The following RARS2 variants were observed in gnomAD, a reference collection of about 807,000 sequenced individuals.
RARS2 encodes probable arginine--tRNA ligase, mitochondrial.
RARS2 carries 67 observed loss-of-function variants against 88.5 expected under a neutral mutation model. The ratio of observed to expected loss-of-function variants is 0.76; its 90% confidence interval spans 0.62 to 0.93. RARS2 has a LOEUF of 0.93. Ranked by LOEUF, RARS2 falls within the 40% of genes least tolerant of loss-of-function variation. The probability of loss-of-function intolerance (pLI) is 0.00; values close to 1 mark genes in which losing one functional copy is unlikely to be tolerated. For synonymous variants in RARS2, 239 were observed against 230.3 expected, an observed-to-expected ratio of 1.04 and a Z score of -0.34; for missense variants, 664 against 684.2, an observed-to-expected ratio of 0.97 and a Z score of 0.33.
chr6:87,524,776 A>T, intron 10 of RARS2, 124 bp from the exon 11 acceptor site: 1 of 711,036 alleles, frequency 1.4e-6, no homozygotes, highest in Non-Finnish European at 2.5e-6. Flanking sequence ...AGCAGTGCCA[A>T]TTCAAGCTTT....
At chr6:87,566,020 T>C (rs1386581984) in intron 2 of RARS2, among the ~76,000 whole-genome samples, 1 of 152,214 alleles carries the variant, frequency 6.6e-6, no homozygotes, top group East Asian at 1.9e-4. Flanking sequence ...GCCTACTATG[T>C]ATTACACTTT....
At position 87,518,278 on chromosome 6, in the gene RARS2, T is replaced by TA; in HGVS notation, c.1416-15dup. ...GTCTCTTCCAAACTTATCAAAAGTT[T>TA]AAAGTTAAAAACATCAAAAGATTAA... is the stretch of plus-strand genomic sequence containing the variant. On this transcript the variant is annotated splice_polypyrimidine_tract_variant and intron_variant, in intron 16 of 19. Transcript: ENST00000369536. 6.2e-7 allele frequency: 1 copy of TA among 1,614,062 alleles called. No individual in the cohort carries two copies. Among genetic ancestry groups the TA allele is most frequent in the Non-Finnish European group, 8.5e-7 (1 of 1,179,996 alleles).
intron 1 of RARS2, among the ~76,000 whole-genome samples, chr6:87,583,401 C>T (rs75440870): frequency 7.9e-4 from 120 of 152,182 alleles, no homozygotes; most frequent in East Asian, 4.4e-3. Context: ...ACCAGACTGA[C>T]CAAAATGGAG....
chr6:87,582,764 C>A (rs944805599), intron 1 of RARS2, among the ~76,000 whole-genome samples: 3 of 152,170 alleles, frequency 2.0e-5, no homozygotes, highest in African/African-American at 7.2e-5. Flanking sequence ...AACAATTAGA[C>A]AACTAGTTTA....
rs1386600545 is a variant in RARS2 at position 87,514,492 on chromosome 6, A to C, written c.1658T>G (p.Leu553Arg). ...DSPPEVAGARLHLFKAVRSVL... is the reference protein window; with the variant it reads ...DSPPEVAGARRHLFKAVRSVL... ...AGAACGGACAGCTTTGAAAAGATGA[A>C]GTCTGGCCTACAAAATAAATCAAAG... is the stretch of plus-strand genomic sequence containing the variant. Residue 553 changes from leucine (L) to arginine (R), a missense_variant, in exon 20 of 20, where the codon CTT becomes CGT. Coordinates refer to ENST00000369536, the MANE Select transcript of RARS2 (RefSeq NM_020320.5). The C allele has an allele frequency of 6.2e-7, 1 of 1,609,964 alleles. No homozygotes were observed.
At chr6:87,523,651 T>C (rs1032226375) in intron 11 of RARS2, among the ~76,000 whole-genome samples, 2 of 152,222 alleles carry the variant, frequency 1.3e-5, no homozygotes, top group Non-Finnish European at 1.5e-5. Context: ...GGATGTTTCT[T>C]TTTCCAAAGA....
intron 8 of RARS2, among the ~76,000 whole-genome samples, chr6:87,534,851 C>T (rs1315086708): frequency 6.6e-6 from 1 of 152,196 alleles, no homozygotes; most frequent in East Asian, 1.9e-4. Context: ...GCGATCTTGT[C>T]TCTAGACCTG....
Position 87,519,837 on chromosome 6 carries a change from T to C in RARS2, c.1113-130A>G, listed in dbSNP as rs992753323. 4.6e-6 allele frequency: 5 copies of C among 1,084,106 alleles called. No individual in the cohort carries two copies. The African/African-American group carries it at 4.7e-5, about 10-fold the overall frequency. 67.2% of individuals were successfully genotyped at this position (1,084,106 alleles called of 1,614,324 possible). On this transcript the variant is annotated intron_variant, in intron 13 of 19. Coordinates refer to ENST00000369536, the MANE Select transcript of RARS2 (RefSeq NM_020320.5). ...GTTTTTAAAAATTAATAAAATGAAA[T>C]TGATGTGATTTGTATGCTACAAAGG... is the stretch of plus-strand genomic sequence containing the variant.
chr6:87,544,559 A>C (rs1158244046), intron 7 of RARS2, among the ~76,000 whole-genome samples: 1 of 152,260 alleles, frequency 6.6e-6, no homozygotes, highest in Non-Finnish European at 1.5e-5. Flanking sequence ...AATGCTTTAT[A>C]GAAATGATAC....
rs576995179 is a variant in RARS2 at position 87,556,591 on chromosome 6, C to A, written c.298-1086G>T. Among the ~76,000 whole-genome samples the A allele has an allele frequency of 5.3e-5, 8 of 151,918 alleles. No individual in the cohort carries two copies. In the East Asian group the frequency reaches 9.7e-4, roughly 18 times the overall value. ...CACGAGGTCAGGAGATTGAGACCATCCTGGCCAACATGGTGAAACCCCATC... is the reference window on the plus strand; with the variant it reads ...CACGAGGTCAGGAGATTGAGACCATACTGGCCAACATGGTGAAACCCCATC... On this transcript the variant is annotated intron_variant, in intron 4 of 19. Transcript: ENST00000369536.
In RARS2 at chr6:87,569,618, TA is replaced by T. The variant is rs1280720402; in HGVS notation, c.37-29del. The T allele has an allele frequency of 2.0e-6, 3 of 1,529,350 alleles. No individual in the cohort carries two copies. In the Admixed American group the frequency reaches 5.0e-5, roughly 26 times the overall value. 94.7% of individuals were successfully genotyped at this position (1,529,350 alleles called of 1,614,324 possible). On this transcript the variant is annotated intron_variant, in intron 1 of 19. Coordinates refer to ENST00000369536, the MANE Select transcript of RARS2 (RefSeq NM_020320.5). ...AAAAATCAAAAAGAACAAAACAGTG[TA>T]AGATTGTTCACATATTTGTTCCATT...
At chr6:87,518,472 TA>T in intron 16 of RARS2, 157 bp downstream of exon 16, 1 of 1,354,342 alleles carries the variant, frequency 7.4e-7, no homozygotes, top group Non-Finnish European at 9.9e-7. Flanking sequence ...AGGTGCTCAA[TA>T]AATTTTTTTT....
intron 4 of RARS2, among the ~76,000 whole-genome samples, chr6:87,559,463 CAAAAAAAAA>C (rs753856335): frequency 2.1e-5 from 2 of 93,298 alleles, no homozygotes; most frequent in African/African-American, 3.8e-5. Context: ...AACTCTGTCT[CAAAAAAAAA>C]AAAAAAAAAA....
intron 6 of RARS2, among the ~76,000 whole-genome samples, chr6:87,547,133 G>A (rs981521430): frequency 2.6e-5 from 4 of 152,188 alleles, no homozygotes; most frequent in African/African-American, 9.7e-5. Context: ...TGAAGACACA[G>A]CATGTTAAGT....
chr6:87,579,866 A>G (rs1342739283), intron 1 of RARS2, among the ~76,000 whole-genome samples: 1 of 151,654 alleles, frequency 6.6e-6, no homozygotes, highest in African/African-American at 2.4e-5. Flanking sequence ...ACCTGGGACT[A>G]CAGCCTCAGC....
intron 2 of RARS2, among the ~76,000 whole-genome samples, chr6:87,567,108 T>A (rs1448201273): frequency 1.3e-5 from 2 of 151,774 alleles, no homozygotes; most frequent in African/African-American, 4.8e-5. Context: ...AAAAATTAGC[T>A]GGGCATGGTG....
In RARS2 at chr6:87,541,888, A is replaced by G. The variant is rs775853857; in HGVS notation, c.612+30T>C. On this transcript the variant is annotated intron_variant, in intron 8 of 19. Coordinates refer to ENST00000369536, the MANE Select transcript of RARS2 (RefSeq NM_020320.5). The stretch of plus-strand genomic sequence containing the variant: ...TACTAAGCTACATAGTACTCTGAAA[A>G]ATTTTTGAAATGTTTTCTTGCCAAC... 5 of 1,554,540 alleles carry G rather than the reference A, an allele frequency of 3.2e-6. No individual in the cohort carries two copies. The Admixed American group carries it at 8.4e-5, about 26-fold the overall frequency.
chr6:87,565,923 G>C (rs954327242), intron 2 of RARS2, among the ~76,000 whole-genome samples: 1 of 152,162 alleles, frequency 6.6e-6, no homozygotes, highest in South Asian at 2.1e-4. Flanking sequence ...AAAAATTCCT[G>C]TGTGACTTCT....
chr6:87,569,891 A>G (rs1463850825), intron 1 of RARS2, among the ~76,000 whole-genome samples: 1 of 151,806 alleles, frequency 6.6e-6, no homozygotes, highest in East Asian at 1.9e-4. Flanking sequence ...ACCTTCGTAA[A>G]TTAAAAAAAA....
Sources: allele counts gnomAD v4.1 joint callset (sites outside exome capture counted in the v4.1 genomes callset), GRCh38; gene constraint gnomAD v4.1.1; transcripts MANE v1.5; gene names NCBI Gene and HGNC (gene_info 2026-07-23, HGNC 2026-07-21).